The following MTUS2 variants were observed in gnomAD, a reference collection of about 807,000 sequenced individuals.
The protein encoded by MTUS2 is microtubule-associated tumor suppressor candidate 2.
A neutral mutation model predicts 114.1 loss-of-function variants in MTUS2; 40 were observed. The ratio of observed to expected loss-of-function variants is 0.35; its 90% CI spans 0.27 to 0.46. The LOEUF is 0.46. MTUS2 is among the 20% of genes least tolerant of loss of function. The pLI is 1.00. For synonymous variants in MTUS2, 688 were observed against 672.0 expected, an observed-to-expected ratio of 1.02 and a Z score of -0.37; for missense variants, 1,679 against 1,705.4, an observed-to-expected ratio of 0.98 and a Z score of 0.27.
intron 4 of MTUS2, among the ~76,000 whole-genome samples, chr13:29,059,750 C>T (rs1346435457): frequency 6.6e-6 from 1 of 152,210 alleles, no homozygotes; most frequent in African/African-American, 2.4e-5. Context: ...GCTGTCCTAG[C>T]ATTTCCTAGG....
chr13:29,199,764 A>G (rs1202024532), intron 5 of MTUS2, among the ~76,000 whole-genome samples: 3 of 152,098 alleles, frequency 2.0e-5, no homozygotes. Flanking sequence ...TTCAGAAGGA[A>G]TGGTACCAGC....
chr13:29,300,516 T>C (rs774652035), intron 6 of MTUS2, among the ~76,000 whole-genome samples: 1 of 152,200 alleles, frequency 6.6e-6, no homozygotes, highest in Non-Finnish European at 1.5e-5. Context: ...AATGCATTCT[T>C]ATGCAAATTG....
At chr13:29,014,472 T>C (rs1269181732) in intron 2 of MTUS2, among the ~76,000 whole-genome samples, 2 of 152,358 alleles carry the variant, frequency 1.3e-5, no homozygotes, top group East Asian at 3.9e-4. Flanking sequence ...GCCTGGTCAC[T>C]GGGATCTGTG....
chr13:29,427,646 A>G (rs1876649275), intron 8 of MTUS2, among the ~76,000 whole-genome samples: 1 of 152,246 alleles, frequency 6.6e-6, no homozygotes, highest in Non-Finnish European at 1.5e-5. Flanking sequence ...ATCACTAAAT[A>G]CTTGCCTTTC....
chr13:29,165,258 T>C (rs1466351862), intron 5 of MTUS2, among the ~76,000 whole-genome samples: 1 of 152,212 alleles, frequency 6.6e-6, no homozygotes, highest in Non-Finnish European at 1.5e-5. Flanking sequence ...CCCTCCATTC[T>C]TCACAGATCT....
chr13:29,028,476 C>T (rs1008940890), intron 3 of MTUS2, among the ~76,000 whole-genome samples: 2 of 152,004 alleles, frequency 1.3e-5, no homozygotes, highest in Non-Finnish European at 2.9e-5. Flanking sequence ...CACTGGGGGT[C>T]CGTCAGCTAC....
chr13:28,935,679 C>A (rs1037230703), intron 2 of MTUS2, among the ~76,000 whole-genome samples: 2 of 152,136 alleles, frequency 1.3e-5, no homozygotes, highest in African/African-American at 4.8e-5. Context: ...GGTCTTAGGG[C>A]ACTACCCAGA....
intron 5 of MTUS2, among the ~76,000 whole-genome samples, chr13:29,165,861 A>G (rs1893295710): frequency 6.6e-6 from 1 of 152,208 alleles, no homozygotes; most frequent in African/African-American, 2.4e-5. Flanking sequence ...TTTCCACAAA[A>G]TTGATGCAGT....
At position 28,991,792 on chromosome 13, in the gene MTUS2, G is replaced by T. The variant is rs112469479; in HGVS notation, c.-242-32665G>T. ...TTTCCCTCCTTCCCCTTTGTTTAAAGGTCCTGGGTTGGAGGCAGCACCCAG... is the reference window on the plus strand; with the variant it reads ...TTTCCCTCCTTCCCCTTTGTTTAAATGTCCTGGGTTGGAGGCAGCACCCAG... On this transcript the variant is annotated intron_variant, in intron 2 of 15. Transcript: ENST00000612955. Among the ~76,000 whole-genome samples the T allele has an allele frequency of 5.8e-3, 884 of 152,242 alleles. 8 individuals are homozygous for T. Among genetic ancestry groups the T allele is most frequent in the African/African-American group, 0.02 (844 of 41,532 alleles).
At chr13:29,380,384 A>G (rs140390511) in intron 8 of MTUS2, among the ~76,000 whole-genome samples, 311 of 152,338 alleles carry the variant, frequency 2.0e-3, no homozygotes, top group African/African-American at 6.9e-3. Context: ...GAAGCAACAT[A>G]TGTAAACACT....
intron 9 of MTUS2, among the ~76,000 whole-genome samples, chr13:29,477,124 G>T (rs1297483299): frequency 1.3e-5 from 2 of 152,208 alleles, no homozygotes; most frequent in Non-Finnish European, 2.9e-5. Context: ...GCCCTAGTGA[G>T]CAGCAGGAGC....
intron 5 of MTUS2, among the ~76,000 whole-genome samples, chr13:29,242,912 A>G (rs1896782071): frequency 6.6e-6 from 1 of 152,210 alleles, no homozygotes; most frequent in African/African-American, 2.4e-5. Flanking sequence ...AGGTTAAGTA[A>G]CTAGCCCAAG....
In MTUS2 at chr13:29,010,581, C is replaced by T. The variant is rs374653902; in HGVS notation, c.-242-13876C>T. On this transcript the variant is annotated intron_variant, in intron 2 of 15. Transcript: ENST00000612955. ...CTTTCCTTTGGGGTTGAGAAGGCCG[C>T]CACATGCGGACCACACTCTCAGCCT... Among the ~76,000 whole-genome samples the T allele has an allele frequency of 2.1e-4, 32 of 152,134 alleles. 1 individual carries two copies. The highest frequency in any genetic ancestry group is 1.6e-3 in the East Asian group (8 of 5,108).
At chr13:28,834,516 C>A (rs1174921128) in intron 1 of MTUS2, among the ~76,000 whole-genome samples, 1 of 151,950 alleles carries the variant, frequency 6.6e-6, no homozygotes, top group East Asian at 1.9e-4. Flanking sequence ...CTACTTCATA[C>A]CATATACAAA....
intron 4 of MTUS2, among the ~76,000 whole-genome samples, chr13:29,043,197 A>G (rs1887451556): frequency 6.6e-6 from 1 of 152,168 alleles, no homozygotes; most frequent in East Asian, 1.9e-4. Flanking sequence ...TGATGCAACA[A>G]TCTTTCAAGA....
intron 5 of MTUS2, among the ~76,000 whole-genome samples, chr13:29,104,701 G>T (rs772751785): frequency 2.6e-5 from 4 of 152,106 alleles, no homozygotes. Context: ...TTACCAGTTC[G>T]TCACATGAAG....
At chr13:29,120,106 A>T (rs890284969) in intron 5 of MTUS2, among the ~76,000 whole-genome samples, 27 of 152,204 alleles carry the variant, frequency 1.8e-4, no homozygotes, top group Non-Finnish European at 3.7e-4. Flanking sequence ...TATTAGACTG[A>T]CGAAGATTGA....
At chr13:28,931,584 C>A (rs1464825333) in intron 2 of MTUS2, among the ~76,000 whole-genome samples, 1 of 152,172 alleles carries the variant, frequency 6.6e-6, no homozygotes, top group African/African-American at 2.4e-5. Context: ...GTCAATTAAA[C>A]CTCTTTTCAT....
intron 2 of MTUS2, among the ~76,000 whole-genome samples, chr13:28,923,871 C>T (rs957526591): frequency 6.6e-6 from 1 of 152,076 alleles, no homozygotes; most frequent in African/African-American, 2.4e-5. Flanking sequence ...GCCTGTAGGT[C>T]CTTAGGGTCA....
Sources: gnomAD v4.1 joint callset for allele counts (sites outside exome capture counted in the v4.1 genomes callset) on GRCh38, gnomAD v4.1.1 for gene constraint, MANE v1.5 for transcripts, NCBI Gene and HGNC (gene_info 2026-07-23, HGNC 2026-07-21) for gene names.